CRPPA: variants seen among roughly 807,000 people sequenced by gnomAD.
CRPPA encodes D-ribitol-5-phosphate cytidylyltransferase.
CRPPA carries 43 observed loss-of-function variants against 52.0 expected under a neutral mutation model. The ratio of observed to expected loss-of-function variants is 0.83; its 90% confidence interval spans 0.65 to 1.07. The LOEUF is 1.07. Ranked by LOEUF, CRPPA falls within the 50% of genes least tolerant of loss-of-function variation. The pLI is 0.00. For synonymous variants in CRPPA, 250 were observed against 203.5 expected, an observed-to-expected ratio of 1.23 and a Z score of -1.94; for missense variants, 629 against 551.7, an observed-to-expected ratio of 1.14 and a Z score of -1.40.
chr7:16,347,713 G>A (rs548695349), intron 3 of CRPPA, among the ~76,000 whole-genome samples: 1 of 152,222 alleles, frequency 6.6e-6, no homozygotes, highest in South Asian at 2.1e-4. Context: ...CACTGGATGG[G>A]CAGAAAAAGC....
intron 2 of CRPPA, among the ~76,000 whole-genome samples, chr7:16,397,469 C>T (rs1425340032): frequency 2.0e-5 from 3 of 152,168 alleles, no homozygotes; most frequent in Non-Finnish European, 4.4e-5. Flanking sequence ...TGACATGTGA[C>T]TCATAGTTGA....
At chr7:16,326,810 A>G (rs1347882789) in intron 3 of CRPPA, among the ~76,000 whole-genome samples, 1 of 152,156 alleles carries the variant, frequency 6.6e-6, no homozygotes, top group Non-Finnish European at 1.5e-5. Context: ...AATGTATAGC[A>G]AAAAGGTACA....
intron 9 of CRPPA, among the ~76,000 whole-genome samples, chr7:16,214,349 T>C (rs1163353729): frequency 1.3e-5 from 2 of 152,180 alleles, no homozygotes; most frequent in African/African-American, 4.8e-5. Flanking sequence ...AGGGATTATT[T>C]ACACTCTCCA....
chr7:16,183,199 G>A (rs1443597751), intron 9 of CRPPA, among the ~76,000 whole-genome samples: 1 of 152,084 alleles, frequency 6.6e-6, no homozygotes, highest in Non-Finnish European at 1.5e-5. Flanking sequence ...GCCAGCAAAG[G>A]AGTAAATGAA....
intron 9 of CRPPA, among the ~76,000 whole-genome samples, chr7:16,204,334 G>A (rs1168935127): frequency 6.6e-6 from 1 of 152,056 alleles, no homozygotes; most frequent in Non-Finnish European, 1.5e-5. Context: ...AGCAATATGA[G>A]TAGGACTGGA....
At chr7:16,293,740 C>A (rs1784610887) in intron 5 of CRPPA, among the ~76,000 whole-genome samples, 1 of 151,972 alleles carries the variant, frequency 6.6e-6, no homozygotes, top group African/African-American at 2.4e-5. Context: ...AACTGGAGGA[C>A]AATGGCACAT....
At chr7:16,129,295 C>A (rs932959159) in intron 9 of CRPPA, among the ~76,000 whole-genome samples, 3 of 152,018 alleles carry the variant, frequency 2.0e-5, no homozygotes, top group Admixed American at 6.6e-5. Flanking sequence ...TGTTCCTCTG[C>A]CTCAGCAAAG....
intron 3 of CRPPA, among the ~76,000 whole-genome samples, chr7:16,362,177 T>G (rs1475542284): frequency 6.6e-6 from 1 of 152,046 alleles, no homozygotes; most frequent in Non-Finnish European, 1.5e-5. Context: ...TTTAAAAGAG[T>G]GCATGTCTCA....
chr7:16,205,457 C>G (rs1781954510), intron 9 of CRPPA, among the ~76,000 whole-genome samples: 1 of 152,136 alleles, frequency 6.6e-6, no homozygotes, highest in African/African-American at 2.4e-5. Context: ...CCCCCCACAC[C>G]AGTTGTGTTT....
chr7:16,116,402 C>T (rs1192006731), intron 9 of CRPPA, among the ~76,000 whole-genome samples: 6 of 152,160 alleles, frequency 3.9e-5, no homozygotes, highest in African/African-American at 1.4e-4. Flanking sequence ...CAGTGGCTCA[C>T]ATCTGTAATC....
At chr7:16,281,872 G>A (rs1037564503) in intron 5 of CRPPA, among the ~76,000 whole-genome samples, 11 of 152,204 alleles carry the variant, frequency 7.2e-5, no homozygotes, top group African/African-American at 2.4e-4. Context: ...GTAGCATAAC[G>A]TTGTTCGTAA....
At chr7:16,151,902 A>C (rs1783082547) in intron 9 of CRPPA, among the ~76,000 whole-genome samples, 1 of 152,028 alleles carries the variant, frequency 6.6e-6, no homozygotes, top group Non-Finnish European at 1.5e-5. Flanking sequence ...TATACACAAT[A>C]AAGTTATCCC....
intron 9 of CRPPA, among the ~76,000 whole-genome samples, chr7:16,131,494 C>T (rs1782680348): frequency 6.6e-6 from 1 of 152,146 alleles, no homozygotes; most frequent in Non-Finnish European, 1.5e-5. Context: ...GAAATGTGAC[C>T]TGGGCTCTGG....
intron 2 of CRPPA, among the ~76,000 whole-genome samples, chr7:16,394,368 T>C (rs559114328): frequency 2.0e-5 from 3 of 152,274 alleles, no homozygotes; most frequent in East Asian, 1.9e-4. Context: ...TCAAAATATA[T>C]GCAAAGCATG....
chr7:16,378,729 A>G (rs1786983156), intron 2 of CRPPA, among the ~76,000 whole-genome samples: 1 of 151,176 alleles, frequency 6.6e-6, no homozygotes, highest in African/African-American at 2.4e-5. Flanking sequence ...TCCCACCAAC[A>G]GTGTAAAAGT....
chr7:16,183,016 T>C (rs1347390964), intron 9 of CRPPA, among the ~76,000 whole-genome samples: 1 of 152,126 alleles, frequency 6.6e-6, no homozygotes, highest in Non-Finnish European at 1.5e-5. Context: ...ACTACATCTA[T>C]TTCAAAATTC....
intron 9 of CRPPA, among the ~76,000 whole-genome samples, chr7:16,095,771 G>T (rs2128362240): frequency 6.6e-6 from 1 of 152,282 alleles, no homozygotes; most frequent in Non-Finnish European, 1.5e-5. Context: ...TGTCAAAGTG[G>T]CTTGTATTTC....
chr7:16,318,005 T>C (rs1785183691), intron 3 of CRPPA, among the ~76,000 whole-genome samples: 1 of 152,170 alleles, frequency 6.6e-6, no homozygotes, highest in Non-Finnish European at 1.5e-5. Flanking sequence ...ACCTGGAAAC[T>C]TGGCTTTACT....
At chr7:16,361,021 AT>A (rs1786429744) in intron 3 of CRPPA, among the ~76,000 whole-genome samples, 1 of 152,196 alleles carries the variant, frequency 6.6e-6, no homozygotes, top group Non-Finnish European at 1.5e-5. Flanking sequence ...TCGACAAAAA[AT>A]AACCACCCAA....
Sources: allele counts gnomAD v4.1 joint callset (sites outside exome capture counted in the v4.1 genomes callset), GRCh38; gene constraint gnomAD v4.1.1; transcripts MANE v1.5; gene names NCBI Gene and HGNC (gene_info 2026-07-23, HGNC 2026-07-21).